Variants in LHFPL3 observed in about 807,000 individuals in gnomAD.
The protein encoded by LHFPL3 is LHFPL tetraspan subfamily member 3.
In LHFPL3, 5 loss-of-function variants were observed where a neutral mutation model predicts 19.3. The ratio of observed to expected loss-of-function variants is 0.26; its 90% CI spans 0.14 to 0.54. The LOEUF is 0.54. Among genes scored for constraint, LHFPL3 ranks in the 20% least tolerant of loss-of-function variants. The pLI is 0.94. For missense variants in LHFPL3, 249 were observed against 307.4 expected, an observed-to-expected ratio of 0.81 and a Z score of 1.42; for synonymous variants, 133 against 126.2, an observed-to-expected ratio of 1.05 and a Z score of -0.36.
intron 1 of LHFPL3, among the ~76,000 whole-genome samples, chr7:104,375,982 C>T (rs1190201989): frequency 6.6e-6 from 1 of 152,212 alleles, no homozygotes; most frequent in Non-Finnish European, 1.5e-5. Flanking sequence ...TACCTTTAGA[C>T]TACTAAATCT....
intron 2 of LHFPL3, among the ~76,000 whole-genome samples, chr7:104,795,147 C>T (rs1790096667): frequency 6.6e-6 from 1 of 152,192 alleles, no homozygotes; most frequent in Non-Finnish European, 1.5e-5. Context: ...CAGACATGCT[C>T]TCTGATGGCC....
At chr7:104,379,372 A>T (rs1790779178) in intron 1 of LHFPL3, among the ~76,000 whole-genome samples, 1 of 152,176 alleles carries the variant, frequency 6.6e-6, no homozygotes, top group African/African-American at 2.4e-5. Flanking sequence ...CAACATTGGG[A>T]ATTTCCCTTG....
At chr7:104,880,543 T>G (rs1293468371) in intron 2 of LHFPL3, among the ~76,000 whole-genome samples, 4 of 152,172 alleles carry the variant, frequency 2.6e-5, no homozygotes, top group African/African-American at 9.7e-5. Context: ...CTTAGGGTCC[T>G]TACAGATTAT....
chr7:104,406,990 T>TA (rs1350479503), intron 1 of LHFPL3, among the ~76,000 whole-genome samples: 1 of 152,190 alleles, frequency 6.6e-6, no homozygotes, highest in Non-Finnish European at 1.5e-5. Flanking sequence ...CTTGTCCACT[T>TA]ACCAGCTACT....
intron 1 of LHFPL3, among the ~76,000 whole-genome samples, chr7:104,566,049 G>A (rs761637931): frequency 1.3e-5 from 2 of 152,010 alleles, no homozygotes; most frequent in African/African-American, 2.4e-5. Flanking sequence ...TTTGTGACTC[G>A]GAACTCACCT....
intron 1 of LHFPL3, among the ~76,000 whole-genome samples, chr7:104,437,131 C>T (rs1473807254): frequency 6.6e-6 from 1 of 152,156 alleles, no homozygotes; most frequent in African/African-American, 2.4e-5. Context: ...AACACTTGTC[C>T]TTTGTCAAAA....
chr7:104,830,587 G>A (rs538375198), intron 2 of LHFPL3, among the ~76,000 whole-genome samples: 2 of 152,002 alleles, frequency 1.3e-5, no homozygotes, highest in Admixed American at 6.5e-5. Flanking sequence ...TATTAAATAG[G>A]GAATCCTCTC....
In LHFPL3 at chr7:104,829,879, A is replaced by C. The variant is rs540961941; in HGVS notation, c.683-76308A>C. Among the ~76,000 whole-genome samples, 17 of 152,024 alleles carry C rather than the reference A, an allele frequency of 1.1e-4. 1 individual carries two copies. Among genetic ancestry groups the C allele is most frequent in the African/African-American group, 4.1e-4 (17 of 41,328 alleles). ...GATGGCTGGGTCAAATGGTATTTCT[A>C]GTTCTAGATCCCTGAGGAATCACCA... is the stretch of plus-strand genomic sequence containing the variant. On this transcript the variant is annotated intron_variant, in intron 2 of 2. Transcript: ENST00000424859.
chr7:104,385,434 G>A (rs1790920244), intron 1 of LHFPL3, among the ~76,000 whole-genome samples: 1 of 152,188 alleles, frequency 6.6e-6, no homozygotes, highest in African/African-American at 2.4e-5. Flanking sequence ...TCCTAAAGAT[G>A]TGGCCCTATT....
At chr7:104,384,624 T>TA (rs1264428634) in intron 1 of LHFPL3, among the ~76,000 whole-genome samples, 52 of 148,866 alleles carry the variant, frequency 3.5e-4, no homozygotes, top group South Asian at 6.5e-4. Context: ...CCATCTCTAT[T>TA]AAAAAAAAAC....
chr7:104,595,105 C>G (rs963296290), intron 1 of LHFPL3, among the ~76,000 whole-genome samples: 51 of 152,330 alleles, frequency 3.3e-4, no homozygotes, highest in African/African-American at 1.2e-3. Context: ...GTGAACCTTT[C>G]GAGGAGAAGA....
intron 2 of LHFPL3, among the ~76,000 whole-genome samples, chr7:104,812,658 G>A: frequency 6.6e-6 from 1 of 151,250 alleles, no homozygotes; most frequent in Non-Finnish European, 1.5e-5. Context: ...ACAAAAATTA[G>A]CCAGGCGAGG....
intron 1 of LHFPL3, chr7:104,668,933 G>C (rs760357134): frequency 1.6e-5 from 26 of 1,612,416 alleles, no homozygotes; most frequent in Admixed American, 1.2e-4. Flanking sequence ...AAACTAGAAC[G>C]ACGGCCTCGG....
chr7:104,512,750 A>AAG (rs201854253), intron 1 of LHFPL3, among the ~76,000 whole-genome samples: 4 of 151,870 alleles, frequency 2.6e-5, no homozygotes, highest in African/African-American at 7.3e-5. Context: ...AGAAAAAAAA[A>AAG]AGAGAGAGAG....
intron 1 of LHFPL3, among the ~76,000 whole-genome samples, chr7:104,653,874 C>G (rs1792077298): frequency 6.6e-6 from 1 of 152,170 alleles, no homozygotes; most frequent in Non-Finnish European, 1.5e-5. Context: ...TCCACAGGCC[C>G]AATTCATTCT....
intron 2 of LHFPL3, among the ~76,000 whole-genome samples, chr7:104,753,168 A>G (rs1184101070): frequency 6.6e-6 from 1 of 152,220 alleles, no homozygotes; most frequent in African/African-American, 2.4e-5. Context: ...GAGGCCAACA[A>G]CAATGGCCAG....
intron 2 of LHFPL3, chr7:104,768,558 C>G (rs1191162459): frequency 6.6e-6 from 1 of 152,164 alleles, no homozygotes; most frequent in Non-Finnish European, 1.5e-5. Flanking sequence ...TACAGATGCT[C>G]CTCTTCCTAG....
chr7:104,403,137 A>T (rs1428877040), intron 1 of LHFPL3, among the ~76,000 whole-genome samples: 1 of 152,218 alleles, frequency 6.6e-6, no homozygotes, highest in African/African-American at 2.4e-5. Context: ...TGACATGTGT[A>T]TACCTATGTA....
intron 1 of LHFPL3, among the ~76,000 whole-genome samples, chr7:104,695,927 G>A (rs1227942093): frequency 6.6e-6 from 1 of 152,108 alleles, no homozygotes; most frequent in Non-Finnish European, 1.5e-5. Context: ...TTTGAATTCT[G>A]AGTTGTTGTT....
Sources: gnomAD v4.1 joint callset for allele counts (sites outside exome capture counted in the v4.1 genomes callset) on GRCh38, gnomAD v4.1.1 for gene constraint, MANE v1.5 for transcripts, NCBI Gene and HGNC (gene_info 2026-07-23, HGNC 2026-07-21) for gene names.